HTR3B: variants seen among roughly 807,000 people sequenced by gnomAD.
HTR3B encodes the protein 5-hydroxytryptamine receptor 3B, also known as 5-hydroxytryptamine (serotonin) receptor 3B, ionotropic.
HTR3B carries 44 observed loss-of-function variants against 42.8 expected under a neutral mutation model. The observed-to-expected ratio is 1.03, with a 90% CI of 0.81 to 1.32. HTR3B has a LOEUF of 1.32. HTR3B is among the 40% of genes most tolerant of loss of function. HTR3B has a pLI of 0.00. For missense variants in HTR3B, 527 were observed against 536.5 expected (o/e 0.98, Z 0.17); for synonymous variants, 203 against 209.0 (o/e 0.97, Z 0.25).
In HTR3B at chr11:113,908,941, T is replaced by C. The variant is rs550051092; in HGVS notation, c.53-354T>C. ...GCGGGAGTTAAGTTTTGGCTAAGTG[T>C]GTAGGTGGGTTTTTTCTAGATGCTA... On this transcript the variant is annotated intron_variant, in intron 1 of 8. Coordinates refer to ENST00000260191, the MANE Select transcript of HTR3B (RefSeq NM_006028.5). The C allele has an allele frequency of 3.2e-5, 11 of 338,726 alleles. No individual in the cohort carries two copies. The South Asian group carries it at 1.3e-3, about 39-fold the overall frequency. The allele number at this position is 338,726 out of a possible 1,614,324, so 21.0% of individuals were successfully genotyped here.
At chr11:113,910,400 C>A (rs1396429079) in intron 2 of HTR3B, among the ~76,000 whole-genome samples, 1 of 151,274 alleles carries the variant, frequency 6.6e-6, no homozygotes, top group Non-Finnish European at 1.5e-5. Context: ...ATTACAAAGT[C>A]TTTGATTTCA....
At position 113,931,814 on chromosome 11, in the gene HTR3B, G is replaced by C; in HGVS notation, c.315G>C (p.Glu105Asp). ...CCAGCATGTTTGATGAGATTAGAGA[G>C]ATCTCCCTACCTCTAAGTGCCATCT... ...WNSSMFDEIR[E>D]ISLPLSAIWA... The change falls in exon 4 of 9, where the codon GAG becomes GAC. Residue 105 changes from glutamate to aspartate, a missense_variant. Coordinates refer to ENST00000260191, the MANE Select transcript of HTR3B (RefSeq NM_006028.5). 6.2e-7 allele frequency: 1 copy of C among 1,612,478 alleles called. No individual in the cohort carries two copies. Among genetic ancestry groups the C allele is most frequent in the Non-Finnish European group, 8.5e-7 (1 of 1,178,478 alleles).
At chr11:113,921,346 A>G (rs368280034) in intron 2 of HTR3B, among the ~76,000 whole-genome samples, 1 of 151,484 alleles carries the variant, frequency 6.6e-6, no homozygotes, top group East Asian at 1.9e-4. Context: ...GGGTTTCACC[A>G]TGTTGGCCAG....
chr11:113,933,607 C>T (rs1218568519), intron 6 of HTR3B, among the ~76,000 whole-genome samples: 1 of 152,050 alleles, frequency 6.6e-6, no homozygotes, highest in African/African-American at 2.4e-5. Context: ...CTGGTAGCTT[C>T]TGGATCAGAG....
intron 2 of HTR3B, among the ~76,000 whole-genome samples, chr11:113,915,422 G>A (rs554848417): frequency 1.6e-4 from 25 of 152,002 alleles, no homozygotes; most frequent in African/African-American, 6.0e-4. Context: ...CTCTAGTTTT[G>A]GCTTATACAC....
chr11:113,903,974 C>T (rs527921656), upstream of HTR3B, among the ~76,000 whole-genome samples: 1 of 152,152 alleles, frequency 6.6e-6, no homozygotes, highest in Non-Finnish European at 1.5e-5. Flanking sequence ...CAAATATATA[C>T]TTTCCCCCCT....
intron 2 of HTR3B, among the ~76,000 whole-genome samples, chr11:113,916,497 G>C (rs192997215): frequency 2.6e-5 from 4 of 152,142 alleles, no homozygotes; most frequent in South Asian, 2.1e-4. Flanking sequence ...TTCTAATCTC[G>C]TTCTTCTTTT....
chr11:113,943,395 T>TCA (rs1433546169), intron 7 of HTR3B, among the ~76,000 whole-genome samples: 2 of 152,076 alleles, frequency 1.3e-5, no homozygotes, highest in Admixed American at 1.3e-4. Flanking sequence ...AACAGGGCAT[T>TCA]CAGTGCATAC....
chr11:113,904,407 A>G (rs546051047), upstream of HTR3B, among the ~76,000 whole-genome samples: 34 of 152,360 alleles, frequency 2.2e-4, no homozygotes, highest in Middle Eastern at 3.4e-3. Flanking sequence ...TTCATTAGAC[A>G]ATACCAGGTT....
chr11:113,900,089 A>AAACCCTGTC (rs1949687374), upstream of HTR3B, among the ~76,000 whole-genome samples: 1 of 151,782 alleles, frequency 6.6e-6, no homozygotes, highest in South Asian at 2.1e-4. Flanking sequence ...GAAACCCTGT[A>AAACCCTGTC]TCTACTAACA....
intron 6 of HTR3B, among the ~76,000 whole-genome samples, chr11:113,938,487 A>G (rs1253054057): frequency 6.6e-6 from 1 of 152,122 alleles, no homozygotes; most frequent in Non-Finnish European, 1.5e-5. Context: ...GAAACACTCA[A>G]TCACCAGAAT....
intron 2 of HTR3B, among the ~76,000 whole-genome samples, chr11:113,930,661 T>C (rs1950025515): frequency 6.6e-6 from 1 of 151,928 alleles, no homozygotes; most frequent in Non-Finnish European, 1.5e-5. Flanking sequence ...GGCTAATTTT[T>C]AACTTTTTTG....
chr11:113,932,501 T>C (rs1950046519), intron 5 of HTR3B, 43 bp downstream of exon 5: 3 of 1,445,868 alleles, frequency 2.1e-6, no homozygotes, highest in South Asian at 2.3e-5. Context: ...TTGGTGCACA[T>C]AGGTGAAATG....
Position 113,931,368 on chromosome 11 carries a change from T to G in HTR3B, c.214-16T>G, listed in dbSNP as rs552825101. 17 of 1,591,534 alleles carry G rather than the reference T, an allele frequency of 1.1e-5. No homozygotes were observed. The South Asian group carries it at 1.6e-4, about 15-fold the overall frequency. ...ACATTCTAAGATTTGGAGTGGATTT[T>G]CTTTTTGCCTTGCAGGATGCAGAGA... On this transcript the variant is annotated splice_polypyrimidine_tract_variant and intron_variant, in intron 2 of 8. Transcript: ENST00000260191.
At chr11:113,921,995 C>T (rs756871085) in intron 2 of HTR3B, among the ~76,000 whole-genome samples, 9 of 152,128 alleles carry the variant, frequency 5.9e-5, no homozygotes, top group African/African-American at 9.7e-5. Flanking sequence ...TATCTTCTCC[C>T]GGTTCTCAGT....
intron 6 of HTR3B, 107 bp from the exon 7 acceptor site, chr11:113,942,875 A>G: frequency 2.3e-6 from 2 of 870,452 alleles, no homozygotes; most frequent in Non-Finnish European, 1.9e-6. Context: ...TTTTCACATT[A>G]TGCAAAAACG....
intron 2 of HTR3B, among the ~76,000 whole-genome samples, chr11:113,922,095 C>G (rs183778034): frequency 7.9e-5 from 12 of 152,260 alleles, no homozygotes; most frequent in South Asian, 4.1e-4. Context: ...TCTTCATTCT[C>G]CATCTGCAAA....
intron 4 of HTR3B, 78 bp downstream of exon 4, chr11:113,931,945 A>G: frequency 1.2e-6 from 1 of 856,320 alleles, no homozygotes; most frequent in Admixed American, 1.8e-5. Context: ...ACTTTCAGTC[A>G]GTGTTGCTCA....
chr11:113,901,453 A>C (rs1949697543), upstream of HTR3B, among the ~76,000 whole-genome samples: 2 of 152,250 alleles, frequency 1.3e-5, no homozygotes, highest in South Asian at 4.2e-4. Flanking sequence ...AGGGAAAAAA[A>C]AAAAAAAAGC....
Sources: gnomAD v4.1 joint callset for allele counts (sites outside exome capture counted in the v4.1 genomes callset) on GRCh38, gnomAD v4.1.1 for gene constraint, MANE v1.5 for transcripts, NCBI Gene and HGNC (gene_info 2026-07-23, HGNC 2026-07-21) for gene names.